GOLGB1: variants seen among roughly 807,000 people sequenced by gnomAD.
GOLGB1 encodes the protein golgin B1.
A neutral mutation model predicts 336.9 loss-of-function variants in GOLGB1; 174 were observed. The observed-to-expected ratio is 0.52, with a 90% CI of 0.46 to 0.59. The LOEUF is 0.59. GOLGB1 is among the 20% of genes least tolerant of loss of function. GOLGB1 has a pLI of 0.00. For missense variants in GOLGB1, 3,331 were observed against 3,645.3 expected (o/e 0.91, Z 2.22); for synonymous variants, 1,208 against 1,289.2 (o/e 0.94, Z 1.35).
intron 4 of GOLGB1, among the ~76,000 whole-genome samples, chr3:121,727,314 ATATATATTTTTTTTTTTTT>A (rs1206771008): frequency 1.3e-4 from 5 of 38,540 alleles, no homozygotes; most frequent in African/African-American, 3.6e-4. Flanking sequence ...ATATATATAT[ATATATATTTTTTTTTTTTT>A]TTTTTTTTTT....
intron 1 of GOLGB1, among the ~76,000 whole-genome samples, chr3:121,734,266 T>A (rs1271494815): frequency 6.6e-6 from 1 of 152,016 alleles, no homozygotes; most frequent in East Asian, 1.9e-4. Context: ...GGCGCATGCC[T>A]GTAGTCCCAG....
chr3:121,738,842 C>A (rs1946660125), intron 1 of GOLGB1, among the ~76,000 whole-genome samples: 1 of 152,106 alleles, frequency 6.6e-6, no homozygotes. Flanking sequence ...GGCAGGAAAT[C>A]CGAGAAATCC....
chr3:121,683,056 T>A (rs1941278218), intron 14 of GOLGB1, among the ~76,000 whole-genome samples: 1 of 90,610 alleles, frequency 1.1e-5, no homozygotes, highest in Admixed American at 9.4e-5. Flanking sequence ...TCTTTTAATT[T>A]TTTTTTTTTT....
Position 121,730,863 on chromosome 3 carries a change from CAG to C in GOLGB1, c.96+11_96+12del. 6.2e-7 allele frequency: 1 copy of C among 1,605,160 alleles called. No homozygotes were observed. ...TATGTCTTACCAGTTTAAATCAGAA[CAG>C]AACTACTCACAGGGTCTAGGGGAGC... is the stretch of plus-strand genomic sequence containing the variant. On this transcript the variant is annotated intron_variant, in intron 2 of 21. Coordinates refer to ENST00000614479, the MANE Select transcript of GOLGB1 (RefSeq NM_001366282.2).
chr3:121,714,561 C>T (rs963259106), intron 10 of GOLGB1, among the ~76,000 whole-genome samples: 7 of 151,226 alleles, frequency 4.6e-5, no homozygotes, highest in Non-Finnish European at 7.4e-5. Context: ...GGAAAATTAA[C>T]TACAGAAGCA....
intron 5 of GOLGB1, 135 bp downstream of exon 5, chr3:121,726,778 G>A: frequency 2.0e-6 from 1 of 505,336 alleles, no homozygotes; most frequent in East Asian, 3.5e-5. Flanking sequence ...AAGAAGAAAT[G>A]AAGAAAAGAA....
rs528149023 is a variant in GOLGB1 at position 121,697,330 on chromosome 3, T to C, written c.3193A>G (p.Ile1065Val). The change falls in exon 13 of 22, where the codon ATT (isoleucine) becomes GTT (valine). Residue 1065 changes from isoleucine to valine, a missense_variant. Ile to Val is a conservative substitution (Grantham distance 29, BLOSUM62 3). Transcript: ENST00000614479. ...TCAGATATTGTCTGTTTTAAATAAATTTCTATTTCTTGGCACTTAGAAGTC... is the reference window on the plus strand; with the variant it reads ...TCAGATATTGTCTGTTTTAAATAAACTTCTATTTCTTGGCACTTAGAAGTC... The part of the protein sequence containing the change: ...CVTSKCQEIE[I>V]YLKQTISEKE... 3.1e-6 allele frequency: 5 copies of C among 1,613,642 alleles called. No individual in the cohort carries two copies. Among genetic ancestry groups the C allele is most frequent in the East Asian group, 4.5e-5 (2 of 44,878 alleles).
rs1942557527 is a variant in GOLGB1, at chr3:121,692,685, A to T, written c.6783-104T>A. The T allele has an allele frequency of 2.5e-5, 16 of 628,566 alleles. 1 individual carries two copies. The South Asian group carries it at 3.6e-4, about 14-fold the overall frequency. 38.9% of individuals were successfully genotyped at this position (628,566 alleles called of 1,614,324 possible). On this transcript the variant is annotated intron_variant, in intron 13 of 21. Coordinates refer to ENST00000614479, the MANE Select transcript of GOLGB1 (RefSeq NM_001366282.2). ...TACTCAATAGATTTACAAATGAATTAACATTCATAACAGGTGTTAAATATT... is the reference window on the plus strand; with the variant it reads ...TACTCAATAGATTTACAAATGAATTTACATTCATAACAGGTGTTAAATATT...
At chr3:121,747,385 GTATA>G (rs1223740534) in intron 1 of GOLGB1, among the ~76,000 whole-genome samples, 5 of 139,262 alleles carry the variant, frequency 3.6e-5, no homozygotes, top group Non-Finnish European at 7.7e-5. Flanking sequence ...GTCTATATAC[GTATA>G]TATATACATA....
intron 17 of GOLGB1, among the ~76,000 whole-genome samples, chr3:121,672,862 C>T (rs569795344): frequency 6.6e-6 from 1 of 152,238 alleles, no homozygotes; most frequent in South Asian, 2.1e-4. Flanking sequence ...CCAGTTTTCC[C>T]AGCACCATTT....
chr3:121,687,046 G>A (rs893254458), intron 14 of GOLGB1, among the ~76,000 whole-genome samples: 1 of 152,190 alleles, frequency 6.6e-6, no homozygotes, highest in Non-Finnish European at 1.5e-5. Flanking sequence ...GCCGAGGCAG[G>A]TGGATCACTT....
chr3:121,698,266 G>T lies in GOLGB1; in HGVS notation c.2257C>A (p.Gln753Lys). 1 of 1,613,762 alleles carries T rather than the reference G, an allele frequency of 6.2e-7. No homozygotes were observed. The highest frequency in any genetic ancestry group is 8.5e-7 in the Non-Finnish European group (1 of 1,179,764). Residue 753 changes from glutamine (Q) to lysine (K), a missense_variant, in exon 13 of 22, where the codon CAG becomes AAG. Physicochemically the swap from Gln to Lys is moderately conservative, Grantham distance 53 (BLOSUM62 1). Transcript: ENST00000614479. Reference protein sequence around the residue: ...AFTALSEERDQLLSQVKELSM... With the variant: ...AFTALSEERDKLLSQVKELSM... ...AGTTCCTTCACCTGAGAGAGAAGCT[G>T]GTCTCTTTCTTCAGACAAAGCAGTG...
chr3:121,735,837 C>T (rs199509864), intron 1 of GOLGB1, among the ~76,000 whole-genome samples: 4 of 152,090 alleles, frequency 2.6e-5, no homozygotes, highest in East Asian at 1.9e-4. Flanking sequence ...TAGCAATGAG[C>T]GCATCCAGAT....
chr3:121,743,603 A>C (rs1231421082), intron 1 of GOLGB1, among the ~76,000 whole-genome samples: 1 of 152,248 alleles, frequency 6.6e-6, no homozygotes, highest in Non-Finnish European at 1.5e-5. Flanking sequence ...CCTAGAACTT[A>C]AAGTATAATA....
chr3:121,711,387 T>C (rs1944349698), intron 10 of GOLGB1, among the ~76,000 whole-genome samples: 1 of 152,102 alleles, frequency 6.6e-6, no homozygotes, highest in South Asian at 2.1e-4. Flanking sequence ...GATGATCTGA[T>C]AGAGGAAATT....
At chr3:121,664,678 A>C in intron 21 of GOLGB1, 64 bp from the exon 22 acceptor site, 6 of 1,489,246 alleles carry the variant, frequency 4.0e-6, no homozygotes, top group Non-Finnish European at 5.6e-6. Context: ...TTTCCCTCCT[A>C]CTAGTCTTGC....
chr3:121,718,742 G>A (rs1017614713), intron 7 of GOLGB1, among the ~76,000 whole-genome samples: 2 of 151,940 alleles, frequency 1.3e-5, no homozygotes, highest in Admixed American at 6.6e-5. Context: ...CCTGAATTAG[G>A]GAGTCTCTTT....
At chr3:121,681,975 A>C in intron 14 of GOLGB1, 110 bp from the exon 15 acceptor site, 1 of 708,736 alleles carries the variant, frequency 1.4e-6, no homozygotes, top group South Asian at 1.6e-5. Context: ...TGAAACCAGC[A>C]CCTAACAGTC....
At chr3:121,676,849 A>G in intron 17 of GOLGB1, 44 bp downstream of exon 17, 27 of 1,582,856 alleles carry the variant, frequency 1.7e-5, no homozygotes, top group Non-Finnish European at 2.3e-5. Context: ...TGTTCCAGTC[A>G]TGGAAAAAAG....
Sources: allele counts gnomAD v4.1 joint callset (sites outside exome capture counted in the v4.1 genomes callset), GRCh38; gene constraint gnomAD v4.1.1; transcripts MANE v1.5; gene names NCBI Gene and HGNC (gene_info 2026-07-23, HGNC 2026-07-21).